STAU2: variants seen among roughly 807,000 people sequenced by gnomAD.
STAU2 encodes staufen double-stranded RNA binding protein 2.
A neutral mutation model predicts 65.9 loss-of-function variants in STAU2; 20 were observed. That is an observed-to-expected ratio of 0.30 (90% CI 0.21 to 0.44). STAU2 has a LOEUF of 0.44. Ranked by LOEUF, STAU2 falls within the 20% of genes least tolerant of loss-of-function variation. The pLI, the probability that STAU2 is intolerant of heterozygous loss-of-function variation, is 1.00. For synonymous variants in STAU2, 232 were observed against 233.9 expected (o/e 0.99, Z 0.07); for missense variants, 558 against 683.9 (o/e 0.82, Z 2.05).
intron 3 of STAU2, among the ~76,000 whole-genome samples, chr8:73,710,872 T>C (rs550423393): frequency 3.9e-5 from 6 of 152,090 alleles, no homozygotes; most frequent in African/African-American, 1.4e-4. Flanking sequence ...ATGGCTGGCT[T>C]TAGGAACTTC....
intron 13 of STAU2, among the ~76,000 whole-genome samples, chr8:73,467,466 A>C (rs370614968): frequency 3.1e-3 from 469 of 152,260 alleles, no homozygotes; most frequent in Non-Finnish European, 5.1e-3. Flanking sequence ...CGGGAGGAGG[A>C]GCTTGCAGTG....
At chr8:73,522,605 T>C (rs992803181) in intron 13 of STAU2, among the ~76,000 whole-genome samples, 2 of 152,236 alleles carry the variant, frequency 1.3e-5, no homozygotes, top group African/African-American at 4.8e-5. Context: ...AGTTAGCTCA[T>C]GTTTGCTGAG....
chr8:73,449,548 G>GT (rs1394096959), intron 13 of STAU2, among the ~76,000 whole-genome samples: 1 of 152,200 alleles, frequency 6.6e-6, no homozygotes, highest in African/African-American at 2.4e-5. Context: ...AATCCAGTCC[G>GT]TAACAAGGCT....
intron 13 of STAU2, among the ~76,000 whole-genome samples, chr8:73,481,960 T>C (rs1447204804): frequency 6.6e-6 from 1 of 152,180 alleles, no homozygotes; most frequent in Non-Finnish European, 1.5e-5. Flanking sequence ...TTAGTCTGTG[T>C]GTATATAGTC....
chr8:73,723,889 C>T (rs1821855740), intron 3 of STAU2, among the ~76,000 whole-genome samples: 1 of 152,210 alleles, frequency 6.6e-6, no homozygotes, highest in South Asian at 2.1e-4. Context: ...TAATCTTTAA[C>T]TGAATGACAT....
chr8:73,734,517 C>T (rs540348525), intron 3 of STAU2, among the ~76,000 whole-genome samples: 4 of 152,198 alleles, frequency 2.6e-5, no homozygotes, highest in South Asian at 4.2e-4. Flanking sequence ...CCATGTAGGC[C>T]GGGCACGGTG....
intron 12 of STAU2, among the ~76,000 whole-genome samples, chr8:73,579,083 G>A (rs1185975277): frequency 1.3e-5 from 2 of 150,898 alleles, no homozygotes; most frequent in Non-Finnish European, 2.9e-5. Flanking sequence ...CATATCACTG[G>A]GACAGTGTAG....
At chr8:73,718,602 T>C (rs1821422348) in intron 3 of STAU2, among the ~76,000 whole-genome samples, 1 of 152,248 alleles carries the variant, frequency 6.6e-6, no homozygotes. Flanking sequence ...ACAAAAGCAC[T>C]GCAAGTATTG....
intron 13 of STAU2, among the ~76,000 whole-genome samples, chr8:73,455,100 A>T (rs922049784): frequency 6.6e-6 from 1 of 152,144 alleles, no homozygotes; most frequent in Non-Finnish European, 1.5e-5. Flanking sequence ...TACCATGTGC[A>T]ACCCTACCAA....
Position 73,655,800 on chromosome 8 carries a change from C to T in STAU2, c.410+17307G>A, listed in dbSNP as rs555197958. Reference sequence around the variant, plus strand: ...AGTAGCTGGGACTACAGGTGCCTGCCACCACACCCGGCTAATTTTTTGTAT... The same window carrying T: ...AGTAGCTGGGACTACAGGTGCCTGCTACCACACCCGGCTAATTTTTTGTAT... On this transcript the variant is annotated intron_variant, in intron 6 of 14. Transcript: ENST00000524300. Among the ~76,000 whole-genome samples, 1,299 of 151,998 alleles carry T rather than the reference C, an allele frequency of 8.5e-3. 20 individuals are homozygous for T. Among genetic ancestry groups the T allele is most frequent in the African/African-American group, 0.029 (1,211 of 41,440 alleles).
At chr8:73,610,641 G>A (rs939341301) in intron 9 of STAU2, among the ~76,000 whole-genome samples, 6 of 151,898 alleles carry the variant, frequency 4.0e-5, no homozygotes, top group African/African-American at 1.5e-4. Context: ...TTATTCCTTG[G>A]ACAGCAAATC....
intron 3 of STAU2, among the ~76,000 whole-genome samples, chr8:73,722,325 T>C (rs1821739742): frequency 6.6e-6 from 1 of 152,238 alleles, no homozygotes; most frequent in African/African-American, 2.4e-5. Flanking sequence ...AAATCTCATG[T>C]ATTTACCCAA....
chr8:73,721,775 T>C (rs1269749005), intron 3 of STAU2, among the ~76,000 whole-genome samples: 4 of 152,222 alleles, frequency 2.6e-5, no homozygotes. Context: ...ATTCTTTCAC[T>C]TTTAACCTGT....
intron 6 of STAU2, among the ~76,000 whole-genome samples, chr8:73,624,890 T>G (rs922977763): frequency 1.3e-5 from 2 of 152,226 alleles, no homozygotes; most frequent in African/African-American, 4.8e-5. Flanking sequence ...GGGGACACTG[T>G]AAGTCTAGAA....
chr8:73,651,892 C>CT (rs1815909608), intron 6 of STAU2, among the ~76,000 whole-genome samples: 1 of 152,186 alleles, frequency 6.6e-6, no homozygotes, highest in Non-Finnish European at 1.5e-5. Context: ...TGTGGAGGCA[C>CT]CTCTCACCCT....
At chr8:73,534,137 G>A (rs1206894332) in intron 13 of STAU2, among the ~76,000 whole-genome samples, 2 of 152,194 alleles carry the variant, frequency 1.3e-5, no homozygotes, top group African/African-American at 4.8e-5. Context: ...CATTAACTGT[G>A]GAGTTGACTT....
chr8:73,551,523 T>A, intron 13 of STAU2: 1 of 987,428 alleles, frequency 1.0e-6, no homozygotes, highest in Non-Finnish European at 1.2e-6. Context: ...ACTTCTAGAA[T>A]GTTGTATCTT....
chr8:73,492,116 C>T (rs954375627), intron 13 of STAU2, among the ~76,000 whole-genome samples: 5 of 151,706 alleles, frequency 3.3e-5, no homozygotes, highest in Non-Finnish European at 7.4e-5. Flanking sequence ...GTGTTTTCTA[C>T]TTTCAACATT....
Position 73,688,713 on chromosome 8 carries a change from T to A in STAU2, c.215A>T (p.Glu72Val). 1.9e-6 allele frequency: 3 copies of A among 1,614,200 alleles called. No individual in the cohort carries two copies. In the East Asian group the frequency reaches 6.7e-5, roughly 36 times the overall value. Residue 72 changes from glutamate to valine, a missense_variant, in exon 5 of 15, where the codon GAA (glutamate) becomes GTA (valine). Glu to Val is a moderately radical substitution (Grantham distance 121). This residue lies in a region of STAU2 where 112 missense variants were observed against 114.2 expected (regional missense o/e 0.98). Coordinates refer to ENST00000524300, the MANE Select transcript of STAU2 (RefSeq NM_001164380.2). ...QQAVANKALT[E>V]STLPKPVQKP... ...CTGAACTGGTTTGGGAAGCGTAGAT[T>A]CAGTCAAAGCTTTATTGGCAACAGC...
Sources: gnomAD v4.1 joint callset for allele counts (sites outside exome capture counted in the v4.1 genomes callset) on GRCh38, gnomAD v4.1.1 for gene constraint, gnomAD v4.1.1 regional missense constraint, MANE v1.5 for transcripts, NCBI Gene and HGNC (gene_info 2026-07-23, HGNC 2026-07-21) for gene names.